ESR1: variants seen among roughly 807,000 people sequenced by gnomAD.
ESR1 encodes estrogen receptor.
ESR1 carries 12 observed loss-of-function variants against 52.7 expected under a neutral mutation model. That is an observed-to-expected ratio of 0.23 (90% CI 0.15 to 0.37). The LOEUF (loss-of-function observed/expected upper bound fraction) is 0.37, where lower values mean the gene tolerates loss of function less well. Ranked by LOEUF, ESR1 falls within the 10% of genes least tolerant of loss-of-function variation. The pLI, the probability that ESR1 is intolerant of heterozygous loss-of-function variation, is 1.00. For missense variants in ESR1, 584 were observed against 779.7 expected (o/e 0.75, Z 2.99); for synonymous variants, 305 against 316.8 (o/e 0.96, Z 0.39).
intron 6 of ESR1, among the ~76,000 whole-genome samples, chr6:152,110,776 A>G (rs1469572529): frequency 1.3e-5 from 2 of 152,228 alleles, no homozygotes; most frequent in South Asian, 2.1e-4. Context: ...GGAGTATTTC[A>G]TCAAAGAAAT....
At chr6:151,964,571 A>G (rs1237723117) in intron 4 of ESR1, among the ~76,000 whole-genome samples, 12 of 151,898 alleles carry the variant, frequency 7.9e-5, no homozygotes. Flanking sequence ...GTTTTTTGAT[A>G]AAAGTTTTGG....
At chr6:151,733,127 A>C (rs1395718363) in intron 2 of ESR1, among the ~76,000 whole-genome samples, 1 of 152,206 alleles carries the variant, frequency 6.6e-6, no homozygotes, top group Non-Finnish European at 1.5e-5. Context: ...GATTCCTTTA[A>C]TCTTTGCAAT....
At chr6:151,741,395 C>T (rs75988097) in intron 2 of ESR1, among the ~76,000 whole-genome samples, 2,927 of 152,116 alleles carry the variant, frequency 0.019, 36 homozygotes, top group East Asian at 0.033. Flanking sequence ...GGAGCGCATA[C>T]GGGATAAGGG....
chr6:152,036,956 G>A (rs2045359223), intron 5 of ESR1, among the ~76,000 whole-genome samples: 1 of 152,160 alleles, frequency 6.6e-6, no homozygotes, highest in African/African-American at 2.4e-5. Flanking sequence ...TACACTGGGT[G>A]GGGAAAGAAA....
intron 1 of ESR1, among the ~76,000 whole-genome samples, chr6:151,666,671 C>A (rs7745737): frequency 0.23 from 34,019 of 147,236 alleles, 5,234 homozygotes; most frequent in African/African-American, 0.44. Context: ...TTCTTACTCA[C>A]CCTATTGGTG....
At chr6:151,977,963 G>GAAAAAAAAAAAAAAAAAA (rs5880951) in intron 4 of ESR1, among the ~76,000 whole-genome samples, 1 of 118,356 alleles carries the variant, frequency 8.4e-6, no homozygotes. Flanking sequence ...AAAAAAAAAA[G>GAAAAAAAAAAAAAAAAAA]AAAAAAAAAA....
chr6:151,688,137 G>T (rs1164464233), upstream of ESR1, among the ~76,000 whole-genome samples: 3 of 151,986 alleles, frequency 2.0e-5, no homozygotes, highest in African/African-American at 7.3e-5. Context: ...AAATGTATTG[G>T]TCCAAGCACA....
chr6:151,741,126 G>A (rs1486201891), intron 2 of ESR1, among the ~76,000 whole-genome samples: 11 of 152,096 alleles, frequency 7.2e-5, no homozygotes, highest in Admixed American at 7.2e-4. Context: ...TCATAGCAAT[G>A]TCCATTTTCT....
chr6:152,113,821 G>A (rs905339878), intron 6 of ESR1, among the ~76,000 whole-genome samples: 1 of 152,044 alleles, frequency 6.6e-6, no homozygotes, highest in Admixed American at 6.5e-5. Flanking sequence ...AACCCACGCA[G>A]GAGGCACCAT....
chr6:151,991,260 C>T (rs2040986150), intron 4 of ESR1, among the ~76,000 whole-genome samples: 1 of 152,112 alleles, frequency 6.6e-6, no homozygotes, highest in Non-Finnish European at 1.5e-5. Flanking sequence ...GCCTCATGTT[C>T]CTGAACTTCT....
chr6:151,945,587 G>A (rs527976834), intron 4 of ESR1, among the ~76,000 whole-genome samples: 8 of 152,292 alleles, frequency 5.3e-5, no homozygotes, highest in East Asian at 1.9e-4. Context: ...TAGATAAACC[G>A]AGGCAAGAAG....
chr6:152,009,811 C>G (rs373833855), intron 4 of ESR1, among the ~76,000 whole-genome samples: 35 of 152,144 alleles, frequency 2.3e-4, no homozygotes, highest in African/African-American at 7.9e-4. Flanking sequence ...TTTGTAATAG[C>G]CAAAAACTAG....
chr6:152,011,732 C>T lies in ESR1; in HGVS notation c.1173C>T (p.Leu391=), dbSNP rs1163425495. The change falls in exon 5 of 8, where the codon CTC becomes CTT. Residue 391 remains leucine (L), a synonymous_variant. Coordinates refer to ENST00000206249, the MANE Select transcript of ESR1 (RefSeq NM_000125.4). ...GGCTAGAGATCCTGATGATTGGTCT[C>T]GTCTGGCGCTCCATGGAGCACCCAG... ...CAWLEILMIG[L]VWRSMEHPGK... is the part of the protein sequence containing the mutation. The T allele has an allele frequency of 6.8e-6, 11 of 1,613,206 alleles. No individual in the cohort carries two copies. The highest frequency in any genetic ancestry group is 4.5e-5 in the East Asian group (2 of 44,832).
In ESR1 at chr6:152,098,896, C is replaced by G. The variant is rs1280377828; in HGVS notation, c.1718C>G (p.Ser573Cys). 6.2e-7 allele frequency: 1 copy of G among 1,614,222 alleles called. No homozygotes were observed. The highest frequency in any genetic ancestry group is 8.5e-7 in the Non-Finnish European group (1 of 1,180,042). ...CAAAGCCACTTGGCCACTGCGGGCT[C>G]TACTTCATCGCATTCCTTGCAAAAG... Reference protein sequence around the residue: ...TDQSHLATAGSTSSHSLQKYY... With the variant: ...TDQSHLATAGCTSSHSLQKYY... The change falls in exon 8 of 8, where the codon TCT (serine) becomes TGT (cysteine). Residue 573 changes from serine (S) to cysteine (C), a missense_variant. Coordinates refer to ENST00000206249, the MANE Select transcript of ESR1 (RefSeq NM_000125.4). The surrounding 1 kb of genome is among the most constrained non-coding windows in gnomAD (Gnocchi z 5.1).
chr6:151,915,728 T>C (rs1210513833), intron 3 of ESR1, among the ~76,000 whole-genome samples: 3 of 152,226 alleles, frequency 2.0e-5, no homozygotes, highest in Non-Finnish European at 4.4e-5. Context: ...GAAAATATTA[T>C]AAATGTATCT....
chr6:152,042,574 C>T (rs1391853221), intron 5 of ESR1, among the ~76,000 whole-genome samples: 2 of 152,146 alleles, frequency 1.3e-5, no homozygotes, highest in Non-Finnish European at 2.9e-5. Context: ...GGGGTCCTTC[C>T]TCAAGGGGAC....
chr6:151,773,147 T>G (rs1033165620), intron 2 of ESR1, among the ~76,000 whole-genome samples: 3 of 152,056 alleles, frequency 2.0e-5, no homozygotes, highest in Admixed American at 6.6e-5. Context: ...GTGTCCTTAT[T>G]AAAAGGGAAA....
chr6:151,957,180 A>G (rs1369694818), intron 4 of ESR1, among the ~76,000 whole-genome samples: 1 of 152,014 alleles, frequency 6.6e-6, no homozygotes, highest in African/African-American at 2.4e-5. Context: ...TGCGACCCAC[A>G]TGTCTGTATA....
At chr6:151,929,183 G>T (rs1424872462) in intron 3 of ESR1, among the ~76,000 whole-genome samples, 2 of 152,092 alleles carry the variant, frequency 1.3e-5, no homozygotes, top group Non-Finnish European at 2.9e-5. Flanking sequence ...ATAATGGTTT[G>T]GGCTTGTCTA....
Sources: allele counts gnomAD v4.1 joint callset (sites outside exome capture counted in the v4.1 genomes callset), GRCh38; gene constraint gnomAD v4.1.1; non-coding constraint Gnocchi (gnomAD v3.1); transcripts MANE v1.5; gene names NCBI Gene and HGNC (gene_info 2026-07-23, HGNC 2026-07-21).